The following ARHGAP12 variants were observed in gnomAD, a reference collection of about 807,000 sequenced individuals.
ARHGAP12 encodes the protein rho GTPase-activating protein 12.
ARHGAP12 carries 64 observed loss-of-function variants against 108.6 expected under a neutral mutation model. That is an observed-to-expected ratio of 0.59 (90% confidence interval 0.48 to 0.73). The LOEUF (loss-of-function observed/expected upper bound fraction) is 0.73. ARHGAP12 is among the 30% of genes least tolerant of loss of function. The pLI is 0.00. For synonymous variants in ARHGAP12, 312 were observed against 337.2 expected (o/e 0.93, Z 0.82); for missense variants, 940 against 1,005.9 (o/e 0.93, Z 0.89).
At chr10:31,836,550 T>C (rs1438514984) in intron 9 of ARHGAP12, among the ~76,000 whole-genome samples, 3 of 150,858 alleles carry the variant, frequency 2.0e-5, no homozygotes, top group Non-Finnish European at 4.4e-5. Flanking sequence ...TTAAAGGAGA[T>C]AGATGAGCAA....
chr10:31,858,797 T>C (rs1425106847), intron 4 of ARHGAP12, among the ~76,000 whole-genome samples: 1 of 152,058 alleles, frequency 6.6e-6, no homozygotes, highest in African/African-American at 2.4e-5. Flanking sequence ...TAAAATGATG[T>C]AAACCCACAA....
chr10:31,893,203 G>C (rs1838529341), intron 3 of ARHGAP12, among the ~76,000 whole-genome samples: 4 of 152,122 alleles, frequency 2.6e-5, no homozygotes, highest in African/African-American at 9.7e-5. Flanking sequence ...AGAGAAGCAA[G>C]AGCAAACACA....
intron 1 of ARHGAP12, among the ~76,000 whole-genome samples, chr10:31,911,039 AT>A (rs1165898469): frequency 6.6e-6 from 1 of 151,894 alleles, no homozygotes; most frequent in Non-Finnish European, 1.5e-5. Context: ...TTATTTATTT[AT>A]TTTTTGAGAC....
chr10:31,854,031 G>T, intron 5 of ARHGAP12, 35 bp downstream of exon 5: 1 of 1,574,530 alleles, frequency 6.4e-7, no homozygotes, highest in Admixed American at 1.9e-5. Flanking sequence ...AGAGAATTCT[G>T]CCAAAAAACA....
rs1480269741 is a variant in ARHGAP12 at position 31,909,007 on chromosome 10, T to C, written c.-71-81A>G. The C allele has an allele frequency of 1.2e-5, 9 of 734,156 alleles. No individual in the cohort carries two copies. In the South Asian group the frequency reaches 1.7e-4, roughly 14 times the overall value. 45.5% of individuals were successfully genotyped at this position (734,156 alleles called of 1,614,324 possible). On this transcript the variant is annotated intron_variant, in intron 2 of 19. Coordinates refer to ENST00000344936, the MANE Select transcript of ARHGAP12 (RefSeq NM_018287.7). ...TTCGTATTTACTCACAAGCATCATATAGTATAGGCCATTTAAAGAACATTA... is the reference window on the plus strand; with the variant it reads ...TTCGTATTTACTCACAAGCATCATACAGTATAGGCCATTTAAAGAACATTA...
intron 2 of ARHGAP12, among the ~76,000 whole-genome samples, chr10:31,909,156 G>A (rs944435485): frequency 2.6e-5 from 4 of 151,900 alleles, no homozygotes; most frequent in Admixed American, 6.5e-5. Flanking sequence ...AACAAAAGCC[G>A]ATAACTGGAA....
chr10:31,852,503 T>A lies in ARHGAP12; in HGVS notation c.1170+14A>T, dbSNP rs113873092. 1 of 1,579,576 alleles carries A rather than the reference T, an allele frequency of 6.3e-7. No homozygotes were observed. The highest frequency in any genetic ancestry group is 1.1e-5 in the South Asian group (1 of 90,184). On this transcript the variant is annotated intron_variant, in intron 6 of 19. Transcript: ENST00000344936. ...ACTATTTTTAAATAGAAATTCGGTG[T>A]CAAGGTTTATTACCTTTGGCAATTC...
intron 3 of ARHGAP12, among the ~76,000 whole-genome samples, chr10:31,893,338 T>TA (rs1020543542): frequency 1.3e-5 from 2 of 152,044 alleles, no homozygotes; most frequent in African/African-American, 4.8e-5. Flanking sequence ...ACAAAATTGA[T>TA]AGACTGCTAG....
chr10:31,807,590 C>T lies in ARHGAP12; in HGVS notation c.*68G>A. On this transcript the variant is annotated 3_prime_UTR_variant, in exon 20 of 20. Transcript: ENST00000344936. ...ACTGCTTGGTCCAAAAAATAAAATA[C>T]ATTGTGTATAAACATTTGAAATCTG... The T allele has an allele frequency of 1.4e-6, 2 of 1,472,470 alleles. No individual in the cohort carries two copies. The highest frequency in any genetic ancestry group is 1.7e-4 in the Middle Eastern group (1 of 5,738). 91.2% of individuals were successfully genotyped at this position (1,472,470 alleles called of 1,614,324 possible). A position where few individuals can be genotyped will look rare whatever the true frequency, so the allele number is the denominator to read the frequency against.
chr10:31,909,116 A>G (rs930902654), intron 2 of ARHGAP12, among the ~76,000 whole-genome samples, 190 bp from the exon 3 acceptor site: 5 of 152,194 alleles, frequency 3.3e-5, no homozygotes, highest in Non-Finnish European at 5.9e-5. Context: ...TTCTAATTGT[A>G]ATCTACATTT....
chr10:31,809,719 A>C (rs770490639), intron 16 of ARHGAP12: 22 of 158,138 alleles, frequency 1.4e-4, no homozygotes, highest in Non-Finnish European at 2.9e-4. Context: ...ACTTTATTGA[A>C]GGCATCTGTC....
chr10:31,907,030 A>G (rs750582913), intron 3 of ARHGAP12, among the ~76,000 whole-genome samples: 9 of 152,182 alleles, frequency 5.9e-5, no homozygotes, highest in Admixed American at 1.3e-4. Context: ...AAGTTTTTCT[A>G]AAGTCTTCCC....
chr10:31,897,104 C>T (rs1401080429), intron 3 of ARHGAP12, among the ~76,000 whole-genome samples: 1 of 152,116 alleles, frequency 6.6e-6, no homozygotes, highest in African/African-American at 2.4e-5. Flanking sequence ...AAAACAACAT[C>T]AGCTTCCTAC....
At position 31,881,273 on chromosome 10, in the gene ARHGAP12, A is replaced by C. The variant is rs560667098; in HGVS notation, c.685-19615T>G. ...ATGGGCAGTATCATGTTAAAAAAAA[A>C]CAAAAACTTGCCTAAAGCAGTAACA... On this transcript the variant is annotated intron_variant, in intron 3 of 19. Coordinates refer to ENST00000344936, the MANE Select transcript of ARHGAP12 (RefSeq NM_018287.7). Among the ~76,000 whole-genome samples, 6 of 152,328 alleles carry C rather than the reference A, an allele frequency of 3.9e-5. No homozygotes were observed. In the South Asian group the frequency reaches 1.2e-3, roughly 32 times the overall value.
chr10:31,874,371 C>T (rs1837648736), intron 3 of ARHGAP12, among the ~76,000 whole-genome samples: 1 of 152,106 alleles, frequency 6.6e-6, no homozygotes, highest in Non-Finnish European at 1.5e-5. Flanking sequence ...ATGAACACAA[C>T]TACATAAATG....
chr10:31,883,884 T>C (rs1838088450), intron 3 of ARHGAP12, among the ~76,000 whole-genome samples: 2 of 151,942 alleles, frequency 1.3e-5, no homozygotes. Flanking sequence ...GCTAATTTTT[T>C]TTGTATTTTT....
intron 15 of ARHGAP12, 26 bp downstream of exon 15, chr10:31,812,681 T>C: frequency 7.2e-7 from 1 of 1,398,234 alleles, no homozygotes; most frequent in Non-Finnish European, 9.9e-7. Flanking sequence ...ACATTCATTA[T>C]TATCAACAAT....
At chr10:31,925,030 C>A (rs527423028) in intron 1 of ARHGAP12, among the ~76,000 whole-genome samples, 155 of 152,260 alleles carry the variant, frequency 1.0e-3, no homozygotes, top group African/African-American at 3.4e-3. Flanking sequence ...CTGTGTGACT[C>A]TGGACAAGTC....
At chr10:31,865,622 T>A (rs1360268036) in intron 3 of ARHGAP12, among the ~76,000 whole-genome samples, 1 of 152,018 alleles carries the variant, frequency 6.6e-6, no homozygotes, top group Non-Finnish European at 1.5e-5. Flanking sequence ...ACGCCTGTAA[T>A]CCCAGCACTT....
Sources: allele counts gnomAD v4.1 joint callset (sites outside exome capture counted in the v4.1 genomes callset), GRCh38; gene constraint gnomAD v4.1.1; transcripts MANE v1.5; gene names NCBI Gene and HGNC (gene_info 2026-07-23, HGNC 2026-07-21).